Variants in IL20RB observed in about 807,000 individuals in gnomAD.
IL20RB encodes the protein interleukin 20 receptor subunit beta, also known as interleukin-20 receptor subunit beta.
In IL20RB, 21 loss-of-function variants were observed where a neutral mutation model predicts 33.3. The ratio of observed to expected loss-of-function variants is 0.63; its 90% CI spans 0.45 to 0.91. The LOEUF (loss-of-function observed/expected upper bound fraction) is 0.91. IL20RB is among the 40% of genes least tolerant of loss of function. The pLI, the probability that IL20RB is intolerant of heterozygous loss-of-function variation, is 0.00. For synonymous variants in IL20RB, 147 were observed against 146.8 expected, an observed-to-expected ratio of 1.00 and a Z score of -0.01; for missense variants, 345 against 384.8, an observed-to-expected ratio of 0.90 and a Z score of 0.86.
At position 136,989,117 on chromosome 3, in the gene IL20RB, A is replaced by C. The variant is rs72978785; in HGVS notation, c.407-324A>C. On this transcript the variant is annotated intron_variant, in intron 3 of 6. Transcript: ENST00000329582. Reference sequence around the variant, plus strand: ...TTTAAAAGAGCAAGAGATAATGTTTACTGGAGTTTTTAATCACTTTTCTTG... The same window carrying C: ...TTTAAAAGAGCAAGAGATAATGTTTCCTGGAGTTTTTAATCACTTTTCTTG... Among the ~76,000 whole-genome samples the C allele has an allele frequency of 4.5e-3, 690 of 152,336 alleles. 10 individuals are homozygous for C. The highest frequency in any genetic ancestry group is 0.016 in the African/African-American group (661 of 41,580).
chr3:136,960,577 C>T (rs997452842), intron 1 of IL20RB, among the ~76,000 whole-genome samples: 3 of 152,214 alleles, frequency 2.0e-5, no homozygotes, highest in Non-Finnish European at 4.4e-5. Context: ...TCTGAGTACA[C>T]ATTGTGCCTT....
chr3:136,983,572 A>G (rs361237), intron 3 of IL20RB, among the ~76,000 whole-genome samples: 70,562 of 152,100 alleles, frequency 0.46, 16,884 homozygotes, highest in East Asian at 0.7. Context: ...TAGAAAGGAC[A>G]GAGCTTAGGA....
At chr3:136,972,494 C>T (rs764696195) in intron 1 of IL20RB, among the ~76,000 whole-genome samples, 1 of 152,142 alleles carries the variant, frequency 6.6e-6, no homozygotes. Context: ...CATTATCCAT[C>T]GTTAAGGTTT....
intron 6 of IL20RB, among the ~76,000 whole-genome samples, chr3:137,008,536 A>G (rs1237769330): frequency 2.6e-5 from 4 of 152,202 alleles, no homozygotes; most frequent in Admixed American, 2.6e-4. Flanking sequence ...TTGCTTGAAA[A>G]TTAGTTCTAA....
chr3:136,993,188 C>A (rs1942065177), intron 5 of IL20RB, among the ~76,000 whole-genome samples: 1 of 152,090 alleles, frequency 6.6e-6, no homozygotes, highest in South Asian at 2.1e-4. Flanking sequence ...CATAGCGAGA[C>A]CTCGTCTCAT....
chr3:136,991,450 G>T (rs892065948), intron 4 of IL20RB, among the ~76,000 whole-genome samples: 2 of 152,112 alleles, frequency 1.3e-5, no homozygotes, highest in Admixed American at 6.5e-5. Context: ...CACATAGTAG[G>T]TACTTAATAA....
At chr3:136,959,279 C>G (rs1941131460) in intron 1 of IL20RB, 1 of 152,226 alleles carries the variant, frequency 6.6e-6, no homozygotes, top group Non-Finnish European at 1.5e-5. Context: ...ATTTCCTCCT[C>G]CTGGCCTTTA....
At chr3:136,984,563 G>A (rs1375970561) in intron 3 of IL20RB, among the ~76,000 whole-genome samples, 8 of 151,822 alleles carry the variant, frequency 5.3e-5, no homozygotes, top group South Asian at 4.2e-4. Context: ...TGCAGCATTC[G>A]GATGAGTCAA....
At position 136,980,465 on chromosome 3, in the gene IL20RB, G is replaced by A; in HGVS notation, c.89-1G>A. 1 of 1,614,148 alleles carries A rather than the reference G, an allele frequency of 6.2e-7. No homozygotes were observed. Among genetic ancestry groups the A allele is most frequent in the Non-Finnish European group, 8.5e-7 (1 of 1,180,034 alleles). ...AGCCAGGCTATCTGCCTTGATCCTA[G>A]ATGAAGTGGCCATTCTGCCTGCCCC... On this transcript the variant is annotated splice_acceptor_variant, in intron 1 of 6. Transcript: ENST00000329582. LOFTEE classifies it high-confidence loss of function.
intron 6 of IL20RB, among the ~76,000 whole-genome samples, chr3:137,004,927 C>T (rs1942322666): frequency 6.6e-6 from 1 of 152,322 alleles, no homozygotes; most frequent in Middle Eastern, 3.4e-3. Flanking sequence ...TCCCTCTGCA[C>T]ACTGCTTTAA....
At chr3:136,987,856 C>T (rs879817431) in intron 3 of IL20RB, among the ~76,000 whole-genome samples, 8 of 152,156 alleles carry the variant, frequency 5.3e-5, no homozygotes, top group Admixed American at 2.0e-4. Context: ...TTGCCGGGGC[C>T]GGCAGGGCCG....
chr3:137,002,826 A>G (rs931991610), intron 6 of IL20RB, among the ~76,000 whole-genome samples: 4 of 152,130 alleles, frequency 2.6e-5, no homozygotes, highest in African/African-American at 9.7e-5. Context: ...TTGGTGTTTT[A>G]GTCATGAAGT....
chr3:136,998,643 T>C (rs1309228760), intron 6 of IL20RB, among the ~76,000 whole-genome samples: 2 of 151,780 alleles, frequency 1.3e-5, no homozygotes, highest in Non-Finnish European at 2.9e-5. Context: ...AATTTTTTCT[T>C]ACTATATTTT....
chr3:136,970,907 C>T (rs1348547902), intron 1 of IL20RB, among the ~76,000 whole-genome samples: 3 of 152,098 alleles, frequency 2.0e-5, no homozygotes, highest in Admixed American at 6.5e-5. Context: ...CCGGCTCGGC[C>T]TCCCAAAGTG....
chr3:136,969,595 C>G (rs1477274879), intron 1 of IL20RB, among the ~76,000 whole-genome samples: 2 of 149,832 alleles, frequency 1.3e-5, no homozygotes, highest in East Asian at 4.0e-4. Flanking sequence ...CGCACACTGT[C>G]TGGCACTCCC....
chr3:136,964,172 A>G (rs1263003672), intron 1 of IL20RB, among the ~76,000 whole-genome samples: 7 of 28,986 alleles, frequency 2.4e-4, no homozygotes, highest in Non-Finnish European at 3.5e-4. Context: ...ATGTGTCTTT[A>G]TAGCAGCATG....
intron 2 of IL20RB, 147 bp from the exon 3 acceptor site, chr3:136,982,013 G>A: frequency 2.0e-6 from 1 of 488,658 alleles, no homozygotes; most frequent in Non-Finnish European, 3.6e-6. Context: ...TGGTTGGTAG[G>A]GAGGAGAGTG....
chr3:137,006,190 C>G (rs536556849), intron 6 of IL20RB, among the ~76,000 whole-genome samples: 3 of 152,130 alleles, frequency 2.0e-5, no homozygotes, highest in Non-Finnish European at 4.4e-5. Context: ...TTCTGGCTGC[C>G]CTTAACACTT....
At chr3:136,992,194 T>C in intron 5 of IL20RB, 106 bp downstream of exon 5, 1 of 1,199,754 alleles carries the variant, frequency 8.3e-7, no homozygotes, top group Non-Finnish European at 1.2e-6. Context: ...TTCCTTGATT[T>C]CACTGACCTC....
Sources: allele counts gnomAD v4.1 joint callset (sites outside exome capture counted in the v4.1 genomes callset), GRCh38; gene constraint gnomAD v4.1.1; transcripts MANE v1.5; gene names NCBI Gene and HGNC (gene_info 2026-07-23, HGNC 2026-07-21).